Variants in PPP6R3 observed in about 807,000 individuals in gnomAD.
The protein encoded by PPP6R3 is protein phosphatase 6 regulatory subunit 3.
In PPP6R3, 38 loss-of-function variants were observed where a neutral mutation model predicts 110.7. The ratio of observed to expected loss-of-function variants is 0.34; its 90% CI spans 0.26 to 0.45. The LOEUF (loss-of-function observed/expected upper bound fraction) is 0.45. Among genes scored for constraint, PPP6R3 ranks in the 20% least tolerant of loss-of-function variants. PPP6R3 has a pLI of 1.00. For synonymous variants in PPP6R3, 369 were observed against 373.5 expected, an observed-to-expected ratio of 0.99 and a Z score of 0.14; for missense variants, 870 against 1,062.4, an observed-to-expected ratio of 0.82 and a Z score of 2.52.
At chr11:68,593,534 TC>T (rs2099602035) in intron 18 of PPP6R3, among the ~76,000 whole-genome samples, 1 of 152,134 alleles carries the variant, frequency 6.6e-6, no homozygotes, top group South Asian at 2.1e-4. Flanking sequence ...CCTAAAATAG[TC>T]ACTAAAATAA....
chr11:68,465,851 T>C (rs1191028228), intron 1 of PPP6R3, among the ~76,000 whole-genome samples: 2 of 152,238 alleles, frequency 1.3e-5, no homozygotes, highest in African/African-American at 4.8e-5. Flanking sequence ...GCCAGAAGTT[T>C]TGCAAAAGAA....
chr11:68,490,374 T>A (rs1171219639), intron 1 of PPP6R3, among the ~76,000 whole-genome samples: 1 of 152,134 alleles, frequency 6.6e-6, no homozygotes, highest in Non-Finnish European at 1.5e-5. Flanking sequence ...TGTTTTTGAT[T>A]TTCTGACATT....
chr11:68,544,077 C>T (rs2099334304), intron 3 of PPP6R3, among the ~76,000 whole-genome samples: 1 of 152,150 alleles, frequency 6.6e-6, no homozygotes, highest in African/African-American at 2.4e-5. Context: ...TACTGGAAGG[C>T]TGATGTGGAG....
intron 1 of PPP6R3, among the ~76,000 whole-genome samples, chr11:68,499,924 C>T (rs141262495): frequency 2.8e-4 from 42 of 152,236 alleles, no homozygotes; most frequent in African/African-American, 9.1e-4. Context: ...TTTGGACAGG[C>T]ATCTCTTGTC....
chr11:68,551,220 G>GA (rs35722725), intron 6 of PPP6R3, 34 bp downstream of exon 6: 29,252 of 1,258,880 alleles, frequency 0.023, no homozygotes, highest in South Asian at 0.028. Context: ...AACTTGATTA[G>GA]AAAAAAAAAA....
chr11:68,561,045 C>T (rs886688134), intron 8 of PPP6R3, among the ~76,000 whole-genome samples: 13 of 151,892 alleles, frequency 8.6e-5, no homozygotes, highest in South Asian at 4.2e-4. Flanking sequence ...TACAGGCGCC[C>T]GCCACTACGC....
At chr11:68,518,151 G>T (rs948611502) in intron 1 of PPP6R3, among the ~76,000 whole-genome samples, 1 of 152,184 alleles carries the variant, frequency 6.6e-6, no homozygotes, top group Non-Finnish European at 1.5e-5. Flanking sequence ...GATGAACGTT[G>T]TAAGAACATA....
intron 2 of PPP6R3, among the ~76,000 whole-genome samples, chr11:68,526,917 A>G (rs2099201943): frequency 6.6e-6 from 1 of 152,232 alleles, no homozygotes; most frequent in Non-Finnish European, 1.5e-5. Context: ...CTAGTTGACA[A>G]AAGTAAGGCT....
At chr11:68,494,563 G>A (rs1035704379) in intron 1 of PPP6R3, among the ~76,000 whole-genome samples, 1 of 151,856 alleles carries the variant, frequency 6.6e-6, no homozygotes, top group Admixed American at 6.6e-5. Flanking sequence ...AATACCTTAT[G>A]GATTTTCATT....
chr11:68,609,586 TTC>T, intron 22 of PPP6R3: 1 of 1,551,464 alleles, frequency 6.4e-7, no homozygotes, highest in Non-Finnish European at 8.7e-7. Flanking sequence ...ACATTTCTTT[TTC>T]TGTTTTGCAC....
Position 68,607,067 on chromosome 11 carries a change from A to G in PPP6R3, c.2451-2837A>G, listed in dbSNP as rs564150393. ...AATCTGGACAAGTGGAGACCATGGC[A>G]TAGCTTAGTGCTGCAGAGACATCTG... On this transcript the variant is annotated intron_variant, in intron 22 of 23. Coordinates refer to ENST00000393800, the MANE Select transcript of PPP6R3 (RefSeq NM_001164161.2). Among the ~76,000 whole-genome samples the G allele has an allele frequency of 2.6e-5, 4 of 152,350 alleles. No individual in the cohort carries two copies. The South Asian group carries it at 8.3e-4, about 32-fold the overall frequency.
chr11:68,567,093 C>G lies in PPP6R3; in HGVS notation c.1055C>G (p.Ser352Cys), dbSNP rs1186776014. Residue 352 changes from serine to cysteine, a missense_variant, in exon 10 of 24, where the codon TCC (serine) becomes TGC (cysteine). Transcript: ENST00000393800. ...CGGTTGAATGTCATTAGGTTGATAT[C>G]CAGCCTGCTTCAAACCAATACCAGC... ...NTRLNVIRLI[S>C]SLLQTNTSSI... 1 of 1,551,418 alleles carries G rather than the reference C, an allele frequency of 6.4e-7. No individual in the cohort carries two copies. Among genetic ancestry groups the G allele is most frequent in the Non-Finnish European group, 8.7e-7 (1 of 1,146,816 alleles).
intron 2 of PPP6R3, among the ~76,000 whole-genome samples, chr11:68,525,120 A>G (rs1226727653): frequency 6.6e-6 from 1 of 152,226 alleles, no homozygotes; most frequent in Non-Finnish European, 1.5e-5. Flanking sequence ...TTCTGCTAGC[A>G]TGTTTACTAG....
In PPP6R3 at chr11:68,590,570, A is replaced by C. The variant is rs1000110851; in HGVS notation, c.1731-90A>C. The C allele has an allele frequency of 7.0e-5, 94 of 1,335,396 alleles. 1 individual carries two copies. Among genetic ancestry groups the C allele is most frequent in the Middle Eastern group, 2.7e-4 (1 of 3,690 alleles). The allele number at this position is 1,335,396 out of a possible 1,614,324, so 82.7% of individuals were successfully genotyped here. A position where few individuals can be genotyped will look rare whatever the true frequency, so the allele number is the denominator to read the frequency against. On this transcript the variant is annotated intron_variant, in intron 16 of 23. Transcript: ENST00000393800. ...TATAGAGATTTTGATGATAGTGTAA[A>C]TATCTTAAATTTGGAAACTTTCATA...
chr11:68,464,023 TTAGA>T (rs1462019405), intron 1 of PPP6R3, among the ~76,000 whole-genome samples: 16 of 152,204 alleles, frequency 1.1e-4, no homozygotes, highest in African/African-American at 3.1e-4. Context: ...AATCCTGCAC[TTAGA>T]TAGATGTGAG....
intron 22 of PPP6R3, 170 bp from the exon 23 acceptor site, chr11:68,609,734 A>T (rs913080588): frequency 4.9e-5 from 77 of 1,557,026 alleles, no homozygotes; most frequent in Non-Finnish European, 6.6e-5. Context: ...GTGATTCCCC[A>T]GTCACTGTCT....
At chr11:68,590,377 G>A (rs1349315549) in intron 16 of PPP6R3, among the ~76,000 whole-genome samples, 3 of 152,110 alleles carry the variant, frequency 2.0e-5, no homozygotes, top group African/African-American at 7.2e-5. Context: ...AACTATGGTT[G>A]TTACCATAGA....
At position 68,587,835 on chromosome 11, in the gene PPP6R3, A is replaced by G. The variant is rs780869409; in HGVS notation, c.1633-92A>G. 9.2e-7 allele frequency: 1 copy of G among 1,091,298 alleles called. No homozygotes were observed. Among genetic ancestry groups the G allele is most frequent in the South Asian group, 1.2e-5 (1 of 80,374 alleles). 67.6% of individuals were successfully genotyped at this position (1,091,298 alleles called of 1,614,324 possible). A position where few individuals can be genotyped will look rare whatever the true frequency, so the allele number is the denominator to read the frequency against. On this transcript the variant is annotated intron_variant, in intron 15 of 23. Transcript: ENST00000393800. The stretch of plus-strand genomic sequence containing the variant: ...ACTTTTATAGCCCTATGGCTATGTA[A>G]ATAAGATGATTTCTGGAACACAAAT...
At chr11:68,532,273 C>A (rs2099245205) in intron 2 of PPP6R3, among the ~76,000 whole-genome samples, 1 of 152,140 alleles carries the variant, frequency 6.6e-6, no homozygotes, top group African/African-American at 2.4e-5. Flanking sequence ...CAAATGGATC[C>A]TTTGATCCTA....
Sources: allele counts gnomAD v4.1 joint callset (sites outside exome capture counted in the v4.1 genomes callset), GRCh38; gene constraint gnomAD v4.1.1; transcripts MANE v1.5; gene names NCBI Gene and HGNC (gene_info 2026-07-23, HGNC 2026-07-21).